The following CDH4 variants were observed in gnomAD, a reference collection of about 807,000 sequenced individuals.
The protein encoded by CDH4 is cadherin-4.
A neutral mutation model predicts 86.0 loss-of-function variants in CDH4; 33 were observed. The ratio of observed to expected loss-of-function variants is 0.38; its 90% CI spans 0.29 to 0.51. The LOEUF is 0.51. CDH4 is among the 20% of genes least tolerant of loss of function. CDH4 has a pLI of 0.86. For missense variants in CDH4, 1,114 were observed against 1,307.4 expected (o/e 0.85, Z 2.28); for synonymous variants, 555 against 549.4 (o/e 1.01, Z -0.14).
intron 2 of CDH4, among the ~76,000 whole-genome samples, chr20:61,462,199 A>G (rs1263027226): frequency 6.6e-6 from 1 of 152,138 alleles, no homozygotes; most frequent in Non-Finnish European, 1.5e-5. Context: ...GCCTTGCCAA[A>G]ATCTTGTTAC....
intron 3 of CDH4, among the ~76,000 whole-genome samples, chr20:61,745,254 GTGAGACCAGTC>G (rs1046761185): frequency 1.6e-4 from 25 of 152,202 alleles, no homozygotes; most frequent in African/African-American, 5.8e-4. Flanking sequence ...AAGCCTCTGA[GTGAGACCAGTC>G]TGCAAGTTTC....
intron 2 of CDH4, among the ~76,000 whole-genome samples, chr20:61,656,408 G>A (rs1023071241): frequency 6.6e-6 from 1 of 151,500 alleles, no homozygotes; most frequent in African/African-American, 2.4e-5. Flanking sequence ...GTGAGCAGGT[G>A]TATGCTGAGG....
rs538663147 is a variant in CDH4, at chr20:61,702,849, A to T, written c.170-40714A>T. Among the ~76,000 whole-genome samples the T allele has an allele frequency of 1.6e-3, 247 of 152,336 alleles. 1 individual carries two copies. The highest frequency in any genetic ancestry group is 5.7e-3 in the African/African-American group (237 of 41,566). On this transcript the variant is annotated intron_variant, in intron 2 of 15. Transcript: ENST00000614565. ...GCTGTTCCATTTGATTGAAATTTAG[A>T]GTTCTTGATCTACATCTGTCACCTT...
chr20:61,476,225 T>G (rs1270763225), intron 2 of CDH4, among the ~76,000 whole-genome samples: 1 of 152,226 alleles, frequency 6.6e-6, no homozygotes, highest in Non-Finnish European at 1.5e-5. Context: ...ACAAATATTT[T>G]GGTAATTTCA....
chr20:61,531,560 G>A (rs975531556), intron 2 of CDH4, among the ~76,000 whole-genome samples: 16 of 151,734 alleles, frequency 1.1e-4, no homozygotes, highest in Admixed American at 4.6e-4. Flanking sequence ...TGAAAGAGCC[G>A]AAATGTGTGG....
At chr20:61,274,600 G>T (rs2123148194) in intron 2 of CDH4, among the ~76,000 whole-genome samples, 1 of 150,868 alleles carries the variant, frequency 6.6e-6, no homozygotes, top group South Asian at 2.1e-4. Flanking sequence ...GTGCAGCTTG[G>T]GGGAGTACCG....
intron 2 of CDH4, among the ~76,000 whole-genome samples, chr20:61,500,161 G>A (rs975672950): frequency 3.3e-5 from 5 of 152,184 alleles, no homozygotes; most frequent in South Asian, 2.1e-4. Flanking sequence ...GGATGGTCCC[G>A]TGTGTCAGTA....
At chr20:61,255,046 A>G (rs2123111173) in intron 2 of CDH4, 109 bp downstream of exon 2, 2 of 731,040 alleles carry the variant, frequency 2.7e-6, no homozygotes, top group African/African-American at 3.5e-5. Flanking sequence ...TCTCTGTGAA[A>G]TGATGGTGGT....
At chr20:61,821,715 A>G (rs749053964) in intron 4 of CDH4, among the ~76,000 whole-genome samples, 10 of 152,256 alleles carry the variant, frequency 6.6e-5, no homozygotes, top group Non-Finnish European at 1.3e-4. Flanking sequence ...CTTTGGATCT[A>G]CAGGAAGGTT....
chr20:61,398,348 C>T (rs1385118314), intron 2 of CDH4, among the ~76,000 whole-genome samples: 1 of 152,220 alleles, frequency 6.6e-6, no homozygotes, highest in Non-Finnish European at 1.5e-5. Flanking sequence ...GCGTCTATCA[C>T]CTCTAAGGGT....
chr20:61,906,929 C>T (rs1190377355), intron 8 of CDH4, among the ~76,000 whole-genome samples: 21 of 152,082 alleles, frequency 1.4e-4, no homozygotes, highest in Admixed American at 1.3e-3. Flanking sequence ...CTCAGATCTC[C>T]GGGGTCAGGG....
chr20:61,262,449 CA>C (rs1322141832), intron 2 of CDH4, among the ~76,000 whole-genome samples: 2 of 152,190 alleles, frequency 1.3e-5, no homozygotes, highest in African/African-American at 4.8e-5. Context: ...CTTTTGCCTC[CA>C]GGGGTGGCCT....
Position 61,783,633 on chromosome 20 carries a change from A to AG in CDH4, c.576+10452dup. The stretch of plus-strand genomic sequence containing the variant: ...TGTCCTGTGCTCCCAGGAGAATATA[A>AG]GCCTAGTTCCTCGGGACAGTTCTCG... On this transcript the variant is annotated intron_variant, in intron 4 of 15. Transcript: ENST00000614565. Among the ~76,000 whole-genome samples the AG allele has an allele frequency of 3.5e-5, 5 of 143,550 alleles. 1 individual carries two copies. The highest frequency in any genetic ancestry group is 4.6e-5 in the Non-Finnish European group (3 of 65,370). 94.2% of individuals were successfully genotyped at this position (143,550 alleles called of 152,430 possible). A position where few individuals can be genotyped will look rare whatever the true frequency, so the allele number is the denominator to read the frequency against.
chr20:61,450,964 A>T lies in CDH4; in HGVS notation c.169+196027A>T, dbSNP rs570568908. On this transcript the variant is annotated intron_variant, in intron 2 of 15. Transcript: ENST00000614565. ...TCCCTGTGCTATCACAGAACACCAG[A>T]TAGCCATGATGCATCTGACACAGTC... Among the ~76,000 whole-genome samples, 13 of 152,040 alleles carry T rather than the reference A, an allele frequency of 8.6e-5. No individual in the cohort carries two copies. The East Asian group carries it at 2.6e-3, about 30-fold the overall frequency.
intron 2 of CDH4, among the ~76,000 whole-genome samples, chr20:61,334,717 T>C (rs1464089848): frequency 1.3e-5 from 2 of 152,186 alleles, no homozygotes; most frequent in Non-Finnish European, 2.9e-5. Context: ...GTGGGGGACA[T>C]GAGCACCCAC....
chr20:61,490,882 A>T (rs2085622520), intron 2 of CDH4, among the ~76,000 whole-genome samples: 1 of 152,204 alleles, frequency 6.6e-6, no homozygotes, highest in African/African-American at 2.4e-5. Context: ...TACATTCAGG[A>T]TAATCAAAGT....
chr20:61,492,502 T>C lies in CDH4; in HGVS notation c.169+237565T>C, dbSNP rs575841171. Among the ~76,000 whole-genome samples, 17 of 152,238 alleles carry C rather than the reference T, an allele frequency of 1.1e-4. No homozygotes were observed. In the South Asian group the frequency reaches 3.5e-3, roughly 32 times the overall value. ...CTTGATGCTGATGTTGGTGGTGTCA[T>C]TGTTGATGTTGATGGCGGTACTGAT... On this transcript the variant is annotated intron_variant, in intron 2 of 15. Transcript: ENST00000614565.
chr20:61,393,267 A>C lies in CDH4; in HGVS notation c.169+138330A>C, dbSNP rs2084996793. Among the ~76,000 whole-genome samples, 1 of 151,992 alleles carries C rather than the reference A, an allele frequency of 6.6e-6. No homozygotes were observed. The highest frequency in any genetic ancestry group is 1.5e-5 in the Non-Finnish European group (1 of 68,006). Reference sequence around the variant, plus strand: ...GTTCCCTCCAACAAGAGGCCATCTCACGGGCGAGCCCACACACCTGGAGAG... The same window carrying C: ...GTTCCCTCCAACAAGAGGCCATCTCCCGGGCGAGCCCACACACCTGGAGAG... On this transcript the variant is annotated intron_variant, in intron 2 of 15. Coordinates refer to ENST00000614565, the MANE Select transcript of CDH4 (RefSeq NM_001794.5). The surrounding 1 kb of genome is among the most constrained non-coding windows in gnomAD (Gnocchi z 4.3).
chr20:61,404,893 A>G (rs1036245530), intron 2 of CDH4, among the ~76,000 whole-genome samples: 28 of 152,082 alleles, frequency 1.8e-4, no homozygotes, highest in African/African-American at 6.8e-4. Flanking sequence ...TACTAAAAAT[A>G]CAAAAAATTA....
Sources: allele counts gnomAD v4.1 joint callset (sites outside exome capture counted in the v4.1 genomes callset), GRCh38; gene constraint gnomAD v4.1.1; non-coding constraint Gnocchi (gnomAD v3.1); transcripts MANE v1.5; gene names NCBI Gene and HGNC (gene_info 2026-07-23, HGNC 2026-07-21).